Variants in NCAM2 observed in about 807,000 individuals in gnomAD.
NCAM2 encodes N-CAM-2.
Under a neutral mutation model 98.1 loss-of-function variants are expected in NCAM2, and 30 were observed. The observed-to-expected ratio is 0.31, with a 90% CI of 0.23 to 0.41. The LOEUF (loss-of-function observed/expected upper bound fraction) is 0.41. Among genes scored for constraint, NCAM2 ranks in the 10% least tolerant of loss-of-function variants. The pLI, the probability that NCAM2 is intolerant of heterozygous loss-of-function variation, is 1.00. For missense variants in NCAM2, 867 were observed against 1,005.8 expected (o/e 0.86, Z 1.87); for synonymous variants, 368 against 342.4 (o/e 1.07, Z -0.83).
At chr21:21,442,227 A>G (rs904753205) in intron 12 of NCAM2, among the ~76,000 whole-genome samples, 4 of 152,036 alleles carry the variant, frequency 2.6e-5, no homozygotes, top group South Asian at 2.1e-4. Context: ...TTCAGAGGCA[A>G]TGGTGGTCTT....
chr21:21,267,909 C>T (rs977300356), intron 1 of NCAM2, among the ~76,000 whole-genome samples: 3 of 152,034 alleles, frequency 2.0e-5, no homozygotes, highest in Non-Finnish European at 4.4e-5. Flanking sequence ...TAGATAGACT[C>T]TTGGTTTAAT....
At chr21:21,278,742 G>C (rs2072821512) in intron 1 of NCAM2, among the ~76,000 whole-genome samples, 1 of 152,126 alleles carries the variant, frequency 6.6e-6, no homozygotes, top group African/African-American at 2.4e-5. Context: ...GGTGGAGACT[G>C]TGAGGAAACA....
intron 1 of NCAM2, among the ~76,000 whole-genome samples, chr21:21,050,731 C>T (rs773104955): frequency 4.6e-5 from 7 of 152,216 alleles, no homozygotes; most frequent in Non-Finnish European, 7.4e-5. Flanking sequence ...CTTAATCTCC[C>T]GATCTGGGAA....
At chr21:21,110,998 G>A (rs2066443411) in intron 1 of NCAM2, among the ~76,000 whole-genome samples, 1 of 152,058 alleles carries the variant, frequency 6.6e-6, no homozygotes, top group Non-Finnish European at 1.5e-5. Context: ...AAATCATCAT[G>A]CATATGTTTC....
chr21:21,454,142 A>G (rs1981766065), intron 12 of NCAM2, among the ~76,000 whole-genome samples: 1 of 152,092 alleles, frequency 6.6e-6, no homozygotes, highest in African/African-American at 2.4e-5. Flanking sequence ...CTTTTCCTGT[A>G]CTAATTACAA....
chr21:21,323,816 G>A (rs1009232761), intron 5 of NCAM2, among the ~76,000 whole-genome samples: 22 of 152,098 alleles, frequency 1.4e-4, no homozygotes, highest in Non-Finnish European at 2.6e-4. Flanking sequence ...GCTGCTTGAA[G>A]AAATTAAGTT....
intron 1 of NCAM2, among the ~76,000 whole-genome samples, chr21:21,170,128 A>G (rs533692642): frequency 6.6e-6 from 1 of 152,356 alleles, no homozygotes; most frequent in South Asian, 2.1e-4. Flanking sequence ...GGTGTGGAAC[A>G]AGATGAACAT....
chr21:21,286,295 T>C lies in NCAM2; in HGVS notation c.364T>C (p.Ser122Pro). ...YQKLTFREVV[S>P]PQEFKQGEDA... Reference sequence around the variant, plus strand: ...AAAACTCACTTTCAGAGAAGTGGTATCTCCACAAGAATTCAAACAAGGAGA... The same window carrying C: ...AAAACTCACTTTCAGAGAAGTGGTACCTCCACAAGAATTCAAACAAGGAGA... Residue 122 changes from serine to proline, a missense_variant, in exon 4 of 18, where the codon TCT becomes CCT. Ser to Pro is a moderately conservative substitution (Grantham distance 74). Transcript: ENST00000400546. 6.2e-7 allele frequency: 1 copy of C among 1,609,670 alleles called. No individual in the cohort carries two copies. Among genetic ancestry groups the C allele is most frequent in the Non-Finnish European group, 8.5e-7 (1 of 1,177,574 alleles).
intron 1 of NCAM2, among the ~76,000 whole-genome samples, chr21:21,189,459 C>T (rs1388152705): frequency 6.6e-6 from 1 of 152,138 alleles, no homozygotes; most frequent in African/African-American, 2.4e-5. Flanking sequence ...GATGTGTTGG[C>T]TCCTGCCTGT....
At chr21:21,266,090 A>T (rs2072260106) in intron 1 of NCAM2, among the ~76,000 whole-genome samples, 1 of 152,104 alleles carries the variant, frequency 6.6e-6, no homozygotes, top group Non-Finnish European at 1.5e-5. Flanking sequence ...AATATATTCA[A>T]ATGTTTTTGC....
intron 8 of NCAM2, among the ~76,000 whole-genome samples, chr21:21,346,187 A>G (rs1381010961): frequency 6.8e-6 from 1 of 146,674 alleles, no homozygotes; most frequent in Non-Finnish European, 1.5e-5. Context: ...ACTGAAAACA[A>G]TATTCCATGC....
intron 1 of NCAM2, among the ~76,000 whole-genome samples, chr21:21,260,285 T>C (rs1430984039): frequency 1.3e-5 from 2 of 151,564 alleles, no homozygotes; most frequent in South Asian, 2.1e-4. Flanking sequence ...GAGGGAATAA[T>C]AATTCCAAAA....
At chr21:21,455,186 T>A (rs928890786) in intron 12 of NCAM2, among the ~76,000 whole-genome samples, 1 of 136,204 alleles carries the variant, frequency 7.3e-6, no homozygotes. Flanking sequence ...CCACTCAGAG[T>A]CCTTTTAAAA....
chr21:21,391,316 G>A (rs974849940), intron 9 of NCAM2, among the ~76,000 whole-genome samples: 7 of 152,090 alleles, frequency 4.6e-5, no homozygotes, highest in East Asian at 1.9e-4. Flanking sequence ...CTAGGGAACC[G>A]GAATCTACTT....
intron 1 of NCAM2, among the ~76,000 whole-genome samples, chr21:21,257,800 C>T (rs1157760513): frequency 1.3e-5 from 2 of 152,142 alleles, no homozygotes; most frequent in African/African-American, 4.8e-5. Flanking sequence ...CCAAGCTGCT[C>T]TCAAATTCCT....
intron 15 of NCAM2, among the ~76,000 whole-genome samples, chr21:21,500,903 G>A (rs233772): frequency 0.031 from 4,778 of 152,050 alleles, 242 homozygotes; most frequent in African/African-American, 0.11. Context: ...GAAATGTAAA[G>A]GATGCTGTTT....
At chr21:21,469,196 A>C (rs990378110) in intron 14 of NCAM2, among the ~76,000 whole-genome samples, 1 of 152,016 alleles carries the variant, frequency 6.6e-6, no homozygotes, top group African/African-American at 2.4e-5. Flanking sequence ...TGACTTACTT[A>C]TCCATAATGT....
At chr21:21,535,087 T>C (rs964953482) in intron 17 of NCAM2, among the ~76,000 whole-genome samples, 1 of 152,128 alleles carries the variant, frequency 6.6e-6, no homozygotes, top group African/African-American at 2.4e-5. Flanking sequence ...AAAAGAAATA[T>C]TTGTGCAGAG....
At chr21:21,447,347 A>G (rs527352875) in intron 12 of NCAM2, among the ~76,000 whole-genome samples, 36 of 152,252 alleles carry the variant, frequency 2.4e-4, no homozygotes, top group African/African-American at 8.2e-4. Context: ...GGCTAGCAAT[A>G]TGCAAAAAAC....
Sources: gnomAD v4.1 joint callset for allele counts (sites outside exome capture counted in the v4.1 genomes callset) on GRCh38, gnomAD v4.1.1 for gene constraint, MANE v1.5 for transcripts, NCBI Gene and HGNC (gene_info 2026-07-23, HGNC 2026-07-21) for gene names.